EXOC6B: variants seen among roughly 807,000 people sequenced by gnomAD.
EXOC6B encodes the protein exocyst complex component 6B.
A neutral mutation model predicts 113.5 loss-of-function variants in EXOC6B; 54 were observed. The observed-to-expected ratio is 0.48, with a 90% CI of 0.38 to 0.60. EXOC6B has a LOEUF of 0.60. EXOC6B is among the 20% of genes least tolerant of loss of function. EXOC6B has a pLI of 0.00. For missense variants in EXOC6B, 797 were observed against 977.5 expected (o/e 0.82, Z 2.46); for synonymous variants, 357 against 339.0 (o/e 1.05, Z -0.58).
chr2:72,721,433 G>GAA lies in EXOC6B; in HGVS notation c.465-3128_465-3127dup, dbSNP rs34698268. Among the ~76,000 whole-genome samples the GAA allele has an allele frequency of 7.3e-3, 771 of 105,116 alleles. 22 individuals carry two copies. The highest frequency in any genetic ancestry group is 7.0e-3 in the Non-Finnish European group (383 of 55,048). The allele number at this position is 105,116 out of a possible 152,430, so 69.0% of individuals were successfully genotyped here. A position where few individuals can be genotyped will look rare whatever the true frequency, so the allele number is the denominator to read the frequency against. On this transcript the variant is annotated intron_variant, in intron 5 of 21. Transcript: ENST00000272427. ...AAAGAACCAAAAAGGGCCAACATAT[G>GAA]AAAAAAAAAAAAAAATGTTTAACTG...
chr2:72,532,725 T>C lies in EXOC6B; in HGVS notation c.916-17599A>G, dbSNP rs1054921734. 2.0e-5 allele frequency among the ~76,000 whole-genome samples: 3 copies of C among 152,106 alleles called. No individual in the cohort carries two copies. In the East Asian group the frequency reaches 5.8e-4, roughly 29 times the overall value. ...CTGGAGGCTGAGGCAGGAGAATTGC[T>C]TGGACCCAGGAGGCGGAGGTTGCAG... is the stretch of plus-strand genomic sequence containing the variant. On this transcript the variant is annotated intron_variant, in intron 8 of 21. Coordinates refer to ENST00000272427, the MANE Select transcript of EXOC6B (RefSeq NM_015189.3).
intron 20 of EXOC6B, among the ~76,000 whole-genome samples, chr2:72,256,349 G>T (rs889354511): frequency 6.6e-6 from 1 of 152,172 alleles, no homozygotes; most frequent in African/African-American, 2.4e-5. Context: ...TCGCAATGAA[G>T]ACACTATCAA....
At chr2:72,488,118 C>T (rs1418199689) in intron 16 of EXOC6B, among the ~76,000 whole-genome samples, 1 of 152,180 alleles carries the variant, frequency 6.6e-6, no homozygotes, top group East Asian at 1.9e-4. Flanking sequence ...ATTGCTAAAT[C>T]CAATGGCAAT....
At chr2:72,479,834 T>G (rs1698968699) in intron 17 of EXOC6B, among the ~76,000 whole-genome samples, 1 of 152,092 alleles carries the variant, frequency 6.6e-6, no homozygotes, top group Admixed American at 6.6e-5. Context: ...ACTAGTGCTG[T>G]GGACATATGA....
At chr2:72,425,027 C>T (rs1490780474) in intron 18 of EXOC6B, among the ~76,000 whole-genome samples, 1 of 152,118 alleles carries the variant, frequency 6.6e-6, no homozygotes, top group African/African-American at 2.4e-5. Flanking sequence ...GTATGTTGCT[C>T]TCCTCTATGT....
chr2:72,412,990 GCT>G (rs1318310360), intron 18 of EXOC6B, among the ~76,000 whole-genome samples: 2 of 150,602 alleles, frequency 1.3e-5, no homozygotes, highest in Admixed American at 1.3e-4. Context: ...ACAGAGTCTC[GCT>G]CTGTCACCCA....
intron 19 of EXOC6B, among the ~76,000 whole-genome samples, chr2:72,371,049 C>A (rs1690981949): frequency 2.1e-5 from 3 of 143,694 alleles, no homozygotes; most frequent in Middle Eastern, 3.5e-3. Flanking sequence ...ACTCCTCCTC[C>A]AAAAAAAAAA....
At position 72,751,724 on chromosome 2, in the gene EXOC6B, C is replaced by T. The variant is rs962369627; in HGVS notation, c.114-10255G>A. 4.1e-4 allele frequency among the ~76,000 whole-genome samples: 63 copies of T among 151,936 alleles called. 1 individual carries two copies. Among genetic ancestry groups the T allele is most frequent in the Non-Finnish European group, 5.7e-4 (39 of 67,956 alleles). On this transcript the variant is annotated intron_variant, in intron 1 of 21. Coordinates refer to ENST00000272427, the MANE Select transcript of EXOC6B (RefSeq NM_015189.3). ...ATAAACAGTACAAAATGCAGAAAGA[C>T]GAAAGACGGAAAACACTAAAGAAGA... is the stretch of plus-strand genomic sequence containing the variant.
At chr2:72,824,290 T>G (rs138079158) in intron 1 of EXOC6B, among the ~76,000 whole-genome samples, 203 of 151,982 alleles carry the variant, frequency 1.3e-3, no homozygotes, top group Non-Finnish European at 2.4e-3. Context: ...TCAGGAGGCT[T>G]AGGTGGGAGG....
In EXOC6B at chr2:72,653,610, AAAG is replaced by A. The variant is rs1330805803; in HGVS notation, c.669+64490_669+64492del. ...AATATTGCCAGCAACCCCCCCCCAA[AAAG>A]AAAGAAAGAAAGAAAATACTGACGA... On this transcript the variant is annotated intron_variant, in intron 6 of 21. Coordinates refer to ENST00000272427, the MANE Select transcript of EXOC6B (RefSeq NM_015189.3). 6.3e-3 allele frequency among the ~76,000 whole-genome samples: 926 copies of A among 146,912 alleles called. 15 individuals are homozygous for A. The highest frequency in any genetic ancestry group is 0.023 in the African/African-American group (898 of 38,288).
intron 18 of EXOC6B, among the ~76,000 whole-genome samples, chr2:72,410,024 A>C (rs1195158614): frequency 6.6e-6 from 1 of 152,192 alleles, no homozygotes; most frequent in Non-Finnish European, 1.5e-5. Flanking sequence ...AAAATTGCAC[A>C]CAGCTTTTCA....
chr2:72,387,203 A>T (rs1040316828), intron 18 of EXOC6B, among the ~76,000 whole-genome samples: 1 of 152,200 alleles, frequency 6.6e-6, no homozygotes, highest in African/African-American at 2.4e-5. Flanking sequence ...GGCACAGTGT[A>T]TCTTTTTAAA....
rs145551424 is a variant in EXOC6B, at chr2:72,250,369, G to A, written c.2197-66182C>T. Among the ~76,000 whole-genome samples the A allele has an allele frequency of 3.8e-3, 571 of 152,092 alleles. 5 individuals carry two copies. The highest frequency in any genetic ancestry group is 0.01 in the Middle Eastern group (3 of 294). ...ATTTAATTTAATTTTTTGAGACAGG[G>A]TCTTGCTCTGTCACTCAGGCTGGAG... On this transcript the variant is annotated intron_variant, in intron 20 of 21. Coordinates refer to ENST00000272427, the MANE Select transcript of EXOC6B (RefSeq NM_015189.3).
chr2:72,669,068 C>T (rs1675597597), intron 6 of EXOC6B, among the ~76,000 whole-genome samples: 1 of 151,876 alleles, frequency 6.6e-6, no homozygotes, highest in African/African-American at 2.4e-5. Context: ...GCCTGGGTGA[C>T]ACAGCAAGAC....
Position 72,496,512 on chromosome 2 carries a change from T to G in EXOC6B, c.1385A>C (p.Glu462Ala). 6.2e-7 allele frequency: 1 copy of G among 1,601,688 alleles called. No homozygotes were observed. Among genetic ancestry groups the G allele is most frequent in the Non-Finnish European group, 8.5e-7 (1 of 1,172,494 alleles). Residue 462 changes from glutamate (E) to alanine (A), a missense_variant, in exon 14 of 22, where the codon GAA becomes GCA. Glu to Ala is a moderately radical substitution (Grantham distance 107). Coordinates refer to ENST00000272427, the MANE Select transcript of EXOC6B (RefSeq NM_015189.3). Reference sequence around the variant, plus strand: ...TCCTACCACCTTTTTGTACATCTCTTCACTTGTTACTGGTATAGGACTGTA... The same window carrying G: ...TCCTACCACCTTTTTGTACATCTCTGCACTTGTTACTGGTATAGGACTGTA... The part of the protein sequence containing the change: ...DNYSPIPVTS[E>A]EMYKKVVGQF...
intron 20 of EXOC6B, among the ~76,000 whole-genome samples, chr2:72,247,164 GATAA>G (rs1238888074): frequency 6.6e-6 from 1 of 152,166 alleles, no homozygotes; most frequent in East Asian, 1.9e-4. Context: ...TAATCTTTCT[GATAA>G]ATGTTTTTAA....
At chr2:72,734,219 G>C (rs976604616) in intron 2 of EXOC6B, among the ~76,000 whole-genome samples, 8 of 152,146 alleles carry the variant, frequency 5.3e-5, no homozygotes, top group African/African-American at 1.9e-4. Flanking sequence ...ATTCAAAGCA[G>C]ATTACCATAT....
Position 72,559,498 on chromosome 2 carries a change from C to T in EXOC6B, c.870G>A (p.Val290=). 1 of 1,612,480 alleles carries T rather than the reference C, an allele frequency of 6.2e-7. No individual in the cohort carries two copies. Among genetic ancestry groups the T allele is most frequent in the Non-Finnish European group, 8.5e-7 (1 of 1,179,288 alleles). ...GACATCGATAAACTGGAGAGAAATC[C>T]ACCAAATCTTGGGCCCCAGGTACCT... ...DEEVPGAQDL[V]DFSPVYRCLH... is the part of the protein sequence containing the mutation. The change falls in exon 8 of 22, where the codon GTG becomes GTA. Residue 290 remains valine (V), a synonymous_variant. Coordinates refer to ENST00000272427, the MANE Select transcript of EXOC6B (RefSeq NM_015189.3).
chr2:72,451,698 T>A (rs1485446007), intron 18 of EXOC6B, among the ~76,000 whole-genome samples: 2 of 130,028 alleles, frequency 1.5e-5, no homozygotes, highest in African/African-American at 7.3e-5. Context: ...GTATCCCTAA[T>A]CACTTTTTAA....
Sources: allele counts gnomAD v4.1 joint callset (sites outside exome capture counted in the v4.1 genomes callset), GRCh38; gene constraint gnomAD v4.1.1; transcripts MANE v1.5; gene names NCBI Gene and HGNC (gene_info 2026-07-23, HGNC 2026-07-21).